Variants in KPNA6 observed in about 807,000 individuals in gnomAD.
KPNA6 encodes karyopherin subunit alpha 6, also known as importin subunit alpha-7.
A neutral mutation model predicts 72.0 loss-of-function variants in KPNA6; 9 were observed. The observed-to-expected ratio is 0.13, with a 90% CI of 0.08 to 0.22. KPNA6 has a LOEUF of 0.22. Among genes scored for constraint, KPNA6 ranks in the 10% least tolerant of loss-of-function variants. The pLI is 1.00. For missense variants in KPNA6, 374 were observed against 655.7 expected, an observed-to-expected ratio of 0.57 and a Z score of 4.69; for synonymous variants, 219 against 242.1, an observed-to-expected ratio of 0.90 and a Z score of 0.89.
At chr1:32,141,332 T>G (rs1323857626) in intron 1 of KPNA6, among the ~76,000 whole-genome samples, 1 of 150,830 alleles carries the variant, frequency 6.6e-6, no homozygotes, top group Non-Finnish European at 1.5e-5. Flanking sequence ...TGAGCCTCAG[T>G]TTTTTCATTT....
At chr1:32,139,069 C>T (rs1285401532) in intron 1 of KPNA6, among the ~76,000 whole-genome samples, 1 of 152,134 alleles carries the variant, frequency 6.6e-6, no homozygotes, top group Non-Finnish European at 1.5e-5. Context: ...CTGGCAAACA[C>T]TTATTAAATA....
intron 1 of KPNA6, among the ~76,000 whole-genome samples, chr1:32,122,781 C>G (rs1320673742): frequency 2.6e-5 from 4 of 151,764 alleles, no homozygotes; most frequent in African/African-American, 9.7e-5. Context: ...CACAGAGAAA[C>G]CCCCTCTCTA....
chr1:32,116,380 CAGGTGCAG>C (rs1202006249), intron 1 of KPNA6, among the ~76,000 whole-genome samples: 1 of 151,856 alleles, frequency 6.6e-6, no homozygotes, highest in African/African-American at 2.4e-5. Context: ...TTTTCCTGGC[CAGGTGCAG>C]TGGCTCATGC....
chr1:32,119,330 C>T (rs1641391425), intron 1 of KPNA6, among the ~76,000 whole-genome samples: 1 of 151,948 alleles, frequency 6.6e-6, no homozygotes, highest in Admixed American at 6.6e-5. Context: ...CACACCCAGC[C>T]AGGCCCTACA....
chr1:32,163,127 A>G (rs1642270809), intron 9 of KPNA6, 108 bp from the exon 10 acceptor site: 1 of 702,878 alleles, frequency 1.4e-6, no homozygotes, highest in East Asian at 2.7e-5. Context: ...AAAAGAAAAA[A>G]AAAGGGTACA....
At chr1:32,135,177 C>T (rs2123996277) in intron 1 of KPNA6, among the ~76,000 whole-genome samples, 1 of 152,314 alleles carries the variant, frequency 6.6e-6, no homozygotes. Flanking sequence ...AAGTGATTCT[C>T]CTGCTTCAGC....
At chr1:32,119,767 T>C (rs999322984) in intron 1 of KPNA6, among the ~76,000 whole-genome samples, 14 of 143,144 alleles carry the variant, frequency 9.8e-5, no homozygotes, top group African/African-American at 3.7e-4. Flanking sequence ...TTTTTTGAGA[T>C]GGGGTCTTGC....
chr1:32,165,991 C>G, intron 10 of KPNA6, 114 bp from the exon 11 acceptor site: 1 of 1,207,648 alleles, frequency 8.3e-7, no homozygotes, highest in Non-Finnish European at 1.1e-6. Context: ...GAGCGAGACT[C>G]TGTCTCAAAA....
intron 1 of KPNA6, among the ~76,000 whole-genome samples, chr1:32,152,852 TA>T (rs1376057694): frequency 1.6e-5 from 2 of 127,394 alleles, no homozygotes; most frequent in Non-Finnish European, 3.4e-5. Context: ...CTAAAAAAAA[TA>T]AAAATAAAAA....
At chr1:32,150,342 A>G (rs541947977) in intron 1 of KPNA6, among the ~76,000 whole-genome samples, 2 of 152,012 alleles carry the variant, frequency 1.3e-5, no homozygotes, top group South Asian at 4.2e-4. Context: ...CATATTGGCC[A>G]GGCTGGTCTG....
In KPNA6 at chr1:32,172,516, G is replaced by C; in HGVS notation, c.*1622G>C. ...CCTGCTTTTTTTTTTTTTTTTTTTA[G>C]AGCTATTGCGTATCTTCCCTGTTTG... On this transcript the variant is annotated 3_prime_UTR_variant, in exon 14 of 14. Coordinates refer to ENST00000373625, the MANE Select transcript of KPNA6 (RefSeq NM_012316.5). The C allele has an allele frequency of 7.8e-6, 1 of 127,534 alleles. No individual in the cohort carries two copies. Among genetic ancestry groups the C allele is most frequent in the Non-Finnish European group, 1.6e-5 (1 of 62,094 alleles). 7.9% of individuals were successfully genotyped at this position (127,534 alleles called of 1,614,324 possible).
intron 1 of KPNA6, among the ~76,000 whole-genome samples, chr1:32,149,039 A>G (rs942460498): frequency 6.6e-5 from 10 of 151,454 alleles, no homozygotes; most frequent in African/African-American, 2.4e-4. Context: ...GATTCTGTTC[A>G]TTTTTCTTCA....
chr1:32,111,313 A>G (rs746330115), intron 1 of KPNA6, among the ~76,000 whole-genome samples: 3 of 152,228 alleles, frequency 2.0e-5, no homozygotes, highest in Non-Finnish European at 4.4e-5. Flanking sequence ...ACATAAATCT[A>G]TAAGACTTAA....
intron 1 of KPNA6, 22 bp from the exon 2 acceptor site, chr1:32,154,566 C>T (rs1642100599): frequency 6.2e-7 from 1 of 1,607,098 alleles, no homozygotes; most frequent in Non-Finnish European, 8.5e-7. Flanking sequence ...GAGTTTTTGG[C>T]AGTGTGTATC....
In KPNA6 at chr1:32,175,782, C is replaced by T. The variant is rs1292036041; in HGVS notation, c.*4888C>T. The T allele has an allele frequency of 2.6e-5, 1 of 38,920 alleles. No individual in the cohort carries two copies. Among genetic ancestry groups the T allele is most frequent in the Non-Finnish European group, 5.2e-5 (1 of 19,210 alleles). The allele number at this position is 38,920 out of a possible 1,614,324, so 2.4% of individuals were successfully genotyped here. On this transcript the variant is annotated 3_prime_UTR_variant, in exon 14 of 14. Coordinates refer to ENST00000373625, the MANE Select transcript of KPNA6 (RefSeq NM_012316.5). ...TGGGTGACAGTGCGAGACTCCATCTCAAAAAAAAAAAAAAAAAAAAAATCC... is the reference window on the plus strand; with the variant it reads ...TGGGTGACAGTGCGAGACTCCATCTTAAAAAAAAAAAAAAAAAAAAAATCC...
In KPNA6 at chr1:32,146,733, G is replaced by A. The variant is rs759544818; in HGVS notation, c.5-7855G>A. Among the ~76,000 whole-genome samples the A allele has an allele frequency of 3.9e-5, 6 of 152,144 alleles. No individual in the cohort carries two copies. In the East Asian group the frequency reaches 9.6e-4, roughly 24 times the overall value. On this transcript the variant is annotated intron_variant, in intron 1 of 13. Transcript: ENST00000373625. Reference sequence around the variant, plus strand: ...TGTAGGAAATGAAAAGTTACAAACCGATGTATAGTAATACTGGCTTTTATA... The same window carrying A: ...TGTAGGAAATGAAAAGTTACAAACCAATGTATAGTAATACTGGCTTTTATA...
At chr1:32,158,204 C>A (rs1274712263) in intron 4 of KPNA6, 63 bp from the exon 5 acceptor site, 1 of 1,022,628 alleles carries the variant, frequency 9.8e-7, no homozygotes, top group Non-Finnish European at 1.5e-6. Flanking sequence ...TGCAAGCTGA[C>A]CCCCATGAAG....
intron 1 of KPNA6, among the ~76,000 whole-genome samples, chr1:32,144,311 T>C (rs993376998): frequency 2.0e-5 from 3 of 152,218 alleles, no homozygotes; most frequent in Admixed American, 2.0e-4. Context: ...GTTAGCGCGA[T>C]ATTTCATCAT....
chr1:32,149,453 T>C (rs1341586081), intron 1 of KPNA6, among the ~76,000 whole-genome samples: 1 of 152,166 alleles, frequency 6.6e-6, no homozygotes, highest in Non-Finnish European at 1.5e-5. Flanking sequence ...CTCTAACTCC[T>C]GGCCTCAGGC....
Sources: gnomAD v4.1 joint callset for allele counts (sites outside exome capture counted in the v4.1 genomes callset) on GRCh38, gnomAD v4.1.1 for gene constraint, MANE v1.5 for transcripts, NCBI Gene and HGNC (gene_info 2026-07-23, HGNC 2026-07-21) for gene names.